The following LHX4 variants were observed in gnomAD, a reference collection of about 807,000 sequenced individuals.
LHX4 encodes the protein LIM/homeobox protein Lhx4.
In LHX4, 16 loss-of-function variants were observed where a neutral mutation model predicts 39.2. The observed-to-expected ratio is 0.41, with a 90% confidence interval of 0.28 to 0.62. The LOEUF is 0.62. Among genes scored for constraint, LHX4 ranks in the 20% least tolerant of loss-of-function variants. The probability of loss-of-function intolerance (pLI) is 0.33; values close to 1 mark genes in which losing one functional copy is unlikely to be tolerated. For missense variants in LHX4, 439 were observed against 511.9 expected (o/e 0.86, Z 1.37); for synonymous variants, 206 against 198.1 (o/e 1.04, Z -0.33).
chr1:180,272,028 A>G (rs1274226049), intron 5 of LHX4, 22 bp downstream of exon 5: 1 of 1,602,206 alleles, frequency 6.2e-7, no homozygotes, highest in Non-Finnish European at 8.5e-7. Flanking sequence ...TGGAGGGGCC[A>G]GGCCGAGGCC....
At chr1:180,269,109 A>G (rs1007469999) in intron 3 of LHX4, among the ~76,000 whole-genome samples, 7 of 146,100 alleles carry the variant, frequency 4.8e-5, no homozygotes, top group African/African-American at 1.8e-4. Context: ...TTTTAAGACT[A>G]ATTTTCCTGT....
intron 2 of LHX4, among the ~76,000 whole-genome samples, chr1:180,256,591 G>C (rs1010289967): frequency 8.5e-5 from 13 of 152,336 alleles, no homozygotes; most frequent in African/African-American, 2.6e-4. Flanking sequence ...CAATTGATGA[G>C]TGACCTGCAG....
intron 2 of LHX4, among the ~76,000 whole-genome samples, chr1:180,254,105 A>C (rs1386156373): frequency 6.6e-6 from 1 of 152,232 alleles, no homozygotes; most frequent in Non-Finnish European, 1.5e-5. Flanking sequence ...TGGGGGCTTC[A>C]AGCTGTGCCC....
At chr1:180,270,780 CTGTT>C (rs1371791840) in intron 3 of LHX4, 1 of 157,606 alleles carries the variant, frequency 6.3e-6, no homozygotes, top group Non-Finnish European at 1.4e-5. Context: ...ATCTGATTTC[CTGTT>C]TTAGTTTTGA....
In LHX4 at chr1:180,274,114, T is replaced by C. The variant is rs79358478; in HGVS notation, c.779-71T>C. The C allele has an allele frequency of 1.4e-3, 2,260 of 1,584,824 alleles. 58 individuals are homozygous for C. In the East Asian group the frequency reaches 0.04, roughly 28 times the overall value. ...CATCTTTCCTGGTCATGTGTGTTCC[T>C]AGGTTGTGAAGAGCAGGGGACCATC... On this transcript the variant is annotated intron_variant, in intron 5 of 5. Coordinates refer to ENST00000263726, the MANE Select transcript of LHX4 (RefSeq NM_033343.4).
intron 2 of LHX4, among the ~76,000 whole-genome samples, chr1:180,262,803 C>T (rs1385559230): frequency 6.6e-6 from 1 of 152,078 alleles, no homozygotes; most frequent in Non-Finnish European, 1.5e-5. Context: ...CTCATTCGTT[C>T]ATTCATTCAT....
At chr1:180,258,652 G>A (rs61809138) in intron 2 of LHX4, among the ~76,000 whole-genome samples, 33,963 of 151,936 alleles carry the variant, frequency 0.22, 4,017 homozygotes, top group Admixed American at 0.27. Flanking sequence ...ATAATTTTGA[G>A]TAGAAGCTGG....
Position 180,230,918 on chromosome 1 carries a change from G to A in LHX4, c.76+313G>A, listed in dbSNP as rs969377154. On this transcript the variant is annotated intron_variant, in intron 1 of 5. Transcript: ENST00000263726. The surrounding 1 kb of genome is among the most constrained non-coding windows in gnomAD (Gnocchi z 5.8). ...TTGGGGACACCCAGGGGTACGAGCT[G>A]TAGGCCAGGCCTGAGGGCGAGGGTG... 6.6e-6 allele frequency among the ~76,000 whole-genome samples: 1 copy of A among 152,232 alleles called. No individual in the cohort carries two copies. Among genetic ancestry groups the A allele is most frequent in the Non-Finnish European group, 1.5e-5 (1 of 68,034 alleles).
chr1:180,232,066 C>G lies in LHX4; in HGVS notation c.76+1461C>G, dbSNP rs1664196470. Among the ~76,000 whole-genome samples the G allele has an allele frequency of 6.6e-6, 1 of 152,172 alleles. No individual in the cohort carries two copies. Among genetic ancestry groups the G allele is most frequent in the Non-Finnish European group, 1.5e-5 (1 of 68,034 alleles). On this transcript the variant is annotated intron_variant, in intron 1 of 5. Coordinates refer to ENST00000263726, the MANE Select transcript of LHX4 (RefSeq NM_033343.4). The surrounding 1 kb of genome is among the most constrained non-coding windows in gnomAD (Gnocchi z 5.4). ...GTTTTCATAGAAGGCATTGGAGATT[C>G]ACTACGCCCCACACCCCGCACACAG... is the stretch of plus-strand genomic sequence containing the variant.
intron 2 of LHX4, among the ~76,000 whole-genome samples, chr1:180,262,740 A>C (rs988058991): frequency 6.6e-6 from 1 of 151,432 alleles, no homozygotes; most frequent in Non-Finnish European, 1.5e-5. Context: ...GCCTCCCCTG[A>C]CTACTCAGGC....
intron 2 of LHX4, among the ~76,000 whole-genome samples, chr1:180,264,382 C>A (rs1648229166): frequency 1.1e-5 from 1 of 93,982 alleles, no homozygotes; most frequent in Admixed American, 1.0e-4. Flanking sequence ...ACACATAACA[C>A]ACACACACAC....
At chr1:180,247,737 T>G (rs1647444064) in intron 1 of LHX4, among the ~76,000 whole-genome samples, 1 of 152,144 alleles carries the variant, frequency 6.6e-6, no homozygotes, top group Admixed American at 6.5e-5. Context: ...ATTGAGATTT[T>G]CTCTACAAGA....
At chr1:180,262,372 T>C (rs954235871) in intron 2 of LHX4, among the ~76,000 whole-genome samples, 1 of 151,788 alleles carries the variant, frequency 6.6e-6, no homozygotes, top group Non-Finnish European at 1.5e-5. Flanking sequence ...GCCTGTCACC[T>C]GTCTTTACTG....
At chr1:180,254,151 C>T (rs1571270211) in intron 2 of LHX4, among the ~76,000 whole-genome samples, 1 of 152,300 alleles carries the variant, frequency 6.6e-6, no homozygotes, top group African/African-American at 2.4e-5. Flanking sequence ...ATCTGCCCGT[C>T]AGGGGGCGTG....
At chr1:180,229,873 G>C (rs916691478), upstream of LHX4, among the ~76,000 whole-genome samples, 1 of 150,534 alleles carries the variant, frequency 6.6e-6, no homozygotes, top group African/African-American at 2.4e-5. Context: ...CGCCGTCTCC[G>C]ACCACCTGCT....
chr1:180,264,249 G>A (rs749809961), intron 2 of LHX4, among the ~76,000 whole-genome samples: 81 of 152,216 alleles, frequency 5.3e-4, no homozygotes, highest in Admixed American at 9.8e-4. Flanking sequence ...ACCACACCTG[G>A]TGCCTTGTTT....
Position 180,266,327 on chromosome 1 carries a change from G to C in LHX4, c.249-65G>C, listed in dbSNP as rs1369481661. ...TGGGGTAGGAGGGAGGCTGCTCCAG[G>C]AAGTTGGGGGAAGCCAGATCCCTTG... is the stretch of plus-strand genomic sequence containing the variant. On this transcript the variant is annotated intron_variant, in intron 2 of 5. Transcript: ENST00000263726. The surrounding 1 kb of genome is among the most constrained non-coding windows in gnomAD (Gnocchi z 5.7). 1.2e-5 allele frequency: 18 copies of C among 1,537,338 alleles called. No homozygotes were observed. The highest frequency in any genetic ancestry group is 1.5e-5 in the Non-Finnish European group (17 of 1,113,176).
intron 2 of LHX4, among the ~76,000 whole-genome samples, chr1:180,252,247 C>G (rs753745718): frequency 6.6e-6 from 1 of 152,132 alleles, no homozygotes; most frequent in African/African-American, 2.4e-5. Context: ...GGACAGAGAC[C>G]GTGCTGGGGC....
intron 1 of LHX4, among the ~76,000 whole-genome samples, chr1:180,236,316 C>T (rs1664318246): frequency 6.6e-6 from 1 of 152,208 alleles, no homozygotes; most frequent in Admixed American, 6.5e-5. Context: ...GATGACCCCG[C>T]TGGCCAGGTG....
Sources: allele counts gnomAD v4.1 joint callset (sites outside exome capture counted in the v4.1 genomes callset), GRCh38; gene constraint gnomAD v4.1.1; non-coding constraint Gnocchi (gnomAD v3.1); transcripts MANE v1.5; gene names NCBI Gene and HGNC (gene_info 2026-07-23, HGNC 2026-07-21).